The following IL1RAPL1 variants were observed in gnomAD, a reference collection of about 807,000 sequenced individuals.
IL1RAPL1 encodes the protein interleukin-1 receptor accessory protein-like 1.
Under a neutral mutation model 48.4 loss-of-function variants are expected in IL1RAPL1, and 3 were observed. The observed-to-expected ratio is 0.06, with a 90% CI of 0.03 to 0.16. IL1RAPL1 has a LOEUF of 0.16. Among genes scored for constraint, IL1RAPL1 ranks in the 10% least tolerant of loss-of-function variants. The probability of loss-of-function intolerance (pLI) is 1.00; values close to 1 mark genes in which losing one functional copy is unlikely to be tolerated. For missense variants in IL1RAPL1, 349 were observed against 530.6 expected, an observed-to-expected ratio of 0.66 and a Z score of 3.36; for synonymous variants, 185 against 187.7, an observed-to-expected ratio of 0.99 and a Z score of 0.12.
intron 1 of IL1RAPL1, among the ~76,000 whole-genome samples, chrX:28,620,810 A>G (rs1055346806): frequency 6.2e-5 from 7 of 112,162 alleles, no homozygotes; most frequent in Admixed American, 4.7e-4. Context: ...ATATAGTTGA[A>G]AAGGCATCAA....
At chrX:29,509,023 T>G (rs929914204) in intron 5 of IL1RAPL1, among the ~76,000 whole-genome samples, 2 of 112,248 alleles carry the variant, frequency 1.8e-5, no homozygotes, top group Non-Finnish European at 3.8e-5. Flanking sequence ...TTGGTTCATA[T>G]CCTCATAAAA....
chrX:28,736,121 C>CA (rs1180256340), intron 1 of IL1RAPL1, among the ~76,000 whole-genome samples: 9 of 111,272 alleles, frequency 8.1e-5, no homozygotes, highest in Non-Finnish European at 1.5e-4. Context: ...AGAATGTATA[C>CA]AATCCTTGTT....
At position 29,153,355 on chromosome X, in the gene IL1RAPL1, A is replaced by G. The variant is rs552189118; in HGVS notation, c.83-129583A>G. 4.5e-5 allele frequency among the ~76,000 whole-genome samples: 5 copies of G among 111,722 alleles called. No individual in the cohort carries two copies. In the South Asian group the frequency reaches 1.9e-3, roughly 42 times the overall value. On this transcript the variant is annotated intron_variant, in intron 2 of 10. Coordinates refer to ENST00000378993, the MANE Select transcript of IL1RAPL1 (RefSeq NM_014271.4). ...AAGGTAATATATTCGCAGGTTCAGGAGATTAGGACACAGATGTCTTTGGGA... is the reference window on the plus strand; with the variant it reads ...AAGGTAATATATTCGCAGGTTCAGGGGATTAGGACACAGATGTCTTTGGGA...
intron 3 of IL1RAPL1, among the ~76,000 whole-genome samples, chrX:29,305,633 C>T (rs1932605142): frequency 9.0e-6 from 1 of 111,488 alleles, no homozygotes; most frequent in South Asian, 3.7e-4. Flanking sequence ...GGATATCAAG[C>T]CCAGTCCCTA....
chrX:29,580,241 C>G (rs1352970705), intron 5 of IL1RAPL1, among the ~76,000 whole-genome samples: 1 of 110,090 alleles, frequency 9.1e-6, no homozygotes, highest in Non-Finnish European at 1.9e-5. Context: ...TACCCAGCAC[C>G]ACTTAACCTA....
chrX:29,346,597 C>A lies in IL1RAPL1; in HGVS notation c.363-49661C>A, dbSNP rs768983461. Among the ~76,000 whole-genome samples the A allele has an allele frequency of 5.3e-5, 6 of 112,673 alleles. No homozygotes were observed. The Admixed American group carries it at 5.6e-4, about 11-fold the overall frequency. On this transcript the variant is annotated intron_variant, in intron 3 of 10. Coordinates refer to ENST00000378993, the MANE Select transcript of IL1RAPL1 (RefSeq NM_014271.4). ...GTTACATTTTGTAAAGCAGGTAGAA[C>A]AATGCCTGAGCAGAGTAGGCATCAT...
chrX:29,560,638 T>C (rs1019367243), intron 5 of IL1RAPL1, among the ~76,000 whole-genome samples: 1 of 112,238 alleles, frequency 8.9e-6, no homozygotes, highest in African/African-American at 3.2e-5. Flanking sequence ...TTTCTTCTGC[T>C]TTATCACGTC....
At chrX:29,333,336 C>T (rs1371980103) in intron 3 of IL1RAPL1, among the ~76,000 whole-genome samples, 1 of 108,015 alleles carries the variant, frequency 9.3e-6, no homozygotes, top group Non-Finnish European at 1.9e-5. Flanking sequence ...GGGCTCCTCA[C>T]TTCCCAGTAG....
chrX:29,540,763 C>T (rs761517601), intron 5 of IL1RAPL1, among the ~76,000 whole-genome samples: 6 of 111,766 alleles, frequency 5.4e-5, no homozygotes, highest in Non-Finnish European at 9.4e-5. Context: ...TGCCTTTCAC[C>T]ATGTACAAAA....
At chrX:29,601,233 T>C (rs144942973) in intron 5 of IL1RAPL1, among the ~76,000 whole-genome samples, 6,002 of 112,206 alleles carry the variant, frequency 0.053, 159 homozygotes, top group Middle Eastern at 0.17. Context: ...ATTGAACCAT[T>C]GTGATGACAG....
intron 2 of IL1RAPL1, among the ~76,000 whole-genome samples, chrX:28,860,268 T>C (rs1342153068): frequency 9.0e-6 from 1 of 111,189 alleles, no homozygotes; most frequent in African/African-American, 3.3e-5. Flanking sequence ...GTTAATTAAT[T>C]TCTATGCCTA....
rs530160537 is a variant in IL1RAPL1 at position 29,085,233 on chromosome X, A to G, written c.83-197705A>G. ...AATTTTATCTAGATAAGCCAGATAT[A>G]TTTTGGTCAGTTGTGAGAAAGAGTG... On this transcript the variant is annotated intron_variant, in intron 2 of 10. Transcript: ENST00000378993. 4.1e-4 allele frequency among the ~76,000 whole-genome samples: 46 copies of G among 111,724 alleles called. 1 individual carries two copies. In the South Asian group the frequency reaches 0.017, roughly 42 times the overall value.
intron 5 of IL1RAPL1, among the ~76,000 whole-genome samples, chrX:29,534,337 C>A (rs1295038093): frequency 9.0e-6 from 1 of 111,357 alleles, no homozygotes; most frequent in Non-Finnish European, 1.9e-5. Context: ...ACAATTTGAC[C>A]AAAAGGCATT....
chrX:28,605,972 A>G (rs998920294), intron 1 of IL1RAPL1, among the ~76,000 whole-genome samples: 20 of 110,248 alleles, frequency 1.8e-4, no homozygotes, highest in Admixed American at 1.2e-3. Context: ...CATGAGACCT[A>G]CCCCGACCAC....
chrX:29,784,504 C>T (rs1429008307), intron 6 of IL1RAPL1, among the ~76,000 whole-genome samples: 1 of 111,374 alleles, frequency 9.0e-6, no homozygotes, highest in Non-Finnish European at 1.9e-5. Flanking sequence ...ATGTTATAAG[C>T]ATGCTAATTT....
At chrX:28,977,135 G>A (rs1241686340) in intron 2 of IL1RAPL1, among the ~76,000 whole-genome samples, 3 of 112,323 alleles carry the variant, frequency 2.7e-5, no homozygotes, top group South Asian at 7.3e-4. Flanking sequence ...TTTGTCAAAG[G>A]TGAAACTGAG....
chrX:29,756,754 C>T (rs755107818), intron 6 of IL1RAPL1, among the ~76,000 whole-genome samples: 1 of 111,807 alleles, frequency 8.9e-6, no homozygotes, highest in African/African-American at 3.3e-5. Flanking sequence ...TGGATATATT[C>T]GTCCAAAAAG....
At position 29,705,760 on chromosome X, in the gene IL1RAPL1, A is replaced by G. The variant is rs758939806; in HGVS notation, c.778+37256A>G. Reference sequence around the variant, plus strand: ...AAACATGGACTTGAGCTTCAGATTTAGTACTTGATACCTATGTGGAATTAG... The same window carrying G: ...AAACATGGACTTGAGCTTCAGATTTGGTACTTGATACCTATGTGGAATTAG... On this transcript the variant is annotated intron_variant, in intron 6 of 10. Transcript: ENST00000378993. Among the ~76,000 whole-genome samples, 11 of 112,216 alleles carry G rather than the reference A, an allele frequency of 9.8e-5. No homozygotes were observed. In the South Asian group the frequency reaches 1.5e-3, roughly 15 times the overall value.
At chrX:29,177,223 CCTTT>C (rs1421762004) in intron 2 of IL1RAPL1, among the ~76,000 whole-genome samples, 1 of 111,593 alleles carries the variant, frequency 9.0e-6, no homozygotes, top group Non-Finnish European at 1.9e-5. Context: ...AGGGGGGATG[CCTTT>C]CTTTTTCTCT....
Sources: gnomAD v4.1 joint callset for allele counts (sites outside exome capture counted in the v4.1 genomes callset) on GRCh38, gnomAD v4.1.1 for gene constraint, MANE v1.5 for transcripts, NCBI Gene and HGNC (gene_info 2026-07-23, HGNC 2026-07-21) for gene names.